NUP43: variants seen among roughly 807,000 people sequenced by gnomAD.
The protein encoded by NUP43 is nucleoporin Nup43.
NUP43 carries 32 observed loss-of-function variants against 47.3 expected under a neutral mutation model. The observed-to-expected ratio is 0.68, with a 90% CI of 0.51 to 0.91. NUP43 has a LOEUF of 0.91. Ranked by LOEUF, NUP43 falls within the 40% of genes least tolerant of loss-of-function variation. The pLI is 0.00. For missense variants in NUP43, 444 were observed against 453.9 expected (o/e 0.98, Z 0.20); for synonymous variants, 147 against 158.4 (o/e 0.93, Z 0.54).
At chr6:149,746,678 T>G, upstream of NUP43, 1 of 1,547,046 alleles carries the variant, frequency 6.5e-7, no homozygotes, top group Non-Finnish European at 8.7e-7. Context: ...GGCCCACCCA[T>G]CTCACAGAGC....
chr6:149,744,649 A>G (rs1785866473), intron 2 of NUP43, among the ~76,000 whole-genome samples: 1 of 151,996 alleles, frequency 6.6e-6, no homozygotes, highest in Non-Finnish European at 1.5e-5. Context: ...CAGCCTGGCC[A>G]ACATGGTGAA....
chr6:149,731,967 A>G (rs1367411282), intron 6 of NUP43, among the ~76,000 whole-genome samples: 1 of 152,190 alleles, frequency 6.6e-6, no homozygotes, highest in African/African-American at 2.4e-5. Context: ...AGGCGGGTGG[A>G]TCACCTGAGG....
At position 149,726,785 on chromosome 6, in the gene NUP43, G is replaced by C; in HGVS notation, c.*184C>G. The stretch of plus-strand genomic sequence containing the variant: ...AATCTTTTGCCATCAGTCATCTATC[G>C]GATTCTACAACTGTTTGGGAGTGTC... On this transcript the variant is annotated 3_prime_UTR_variant, in exon 8 of 8. Transcript: ENST00000340413. 1 of 589,954 alleles carries C rather than the reference G, an allele frequency of 1.7e-6. No individual in the cohort carries two copies. Among genetic ancestry groups the C allele is most frequent in the East Asian group, 2.8e-5 (1 of 35,358 alleles). 36.5% of individuals were successfully genotyped at this position (589,954 alleles called of 1,614,324 possible).
At position 149,742,330 on chromosome 6, in the gene NUP43, T is replaced by C; in HGVS notation, c.502+60A>G. 1 of 1,535,158 alleles carries C rather than the reference T, an allele frequency of 6.5e-7. No individual in the cohort carries two copies. The highest frequency in any genetic ancestry group is 9.0e-7 in the Non-Finnish European group (1 of 1,114,010). Reference sequence around the variant, plus strand: ...GGTGAGCCACCACACCCAGCCTAACTTTTGTATTTTTAGAAGAGACTAGGT... The same window carrying C: ...GGTGAGCCACCACACCCAGCCTAACCTTTGTATTTTTAGAAGAGACTAGGT... On this transcript the variant is annotated intron_variant, in intron 4 of 7. Coordinates refer to ENST00000340413, the MANE Select transcript of NUP43 (RefSeq NM_198887.3).
At position 149,736,627 on chromosome 6, in the gene NUP43, T is replaced by C; in HGVS notation, c.639-5A>G. ...AGTGGCACTCGGTCACCAGTCCTTT[T>C]GTGGGAGATAACAATGACGTCAAAA... On this transcript the variant is annotated splice_region_variant and splice_polypyrimidine_tract_variant and intron_variant, in intron 5 of 7. Coordinates refer to ENST00000340413, the MANE Select transcript of NUP43 (RefSeq NM_198887.3). The C allele has an allele frequency of 1.3e-6, 2 of 1,573,708 alleles. No individual in the cohort carries two copies. The highest frequency in any genetic ancestry group is 4.6e-5 in the East Asian group (2 of 43,940).
intron 4 of NUP43, among the ~76,000 whole-genome samples, chr6:149,741,665 C>G (rs758264056): frequency 5.3e-5 from 8 of 151,732 alleles, no homozygotes; most frequent in Non-Finnish European, 8.8e-5. Flanking sequence ...ACCACCTCAC[C>G]CAGCTTATTT....
chr6:149,727,540 AC>A (rs1784845285), intron 7 of NUP43: 1 of 981,840 alleles, frequency 1.0e-6, no homozygotes, highest in Non-Finnish European at 1.2e-6. Context: ...AAAAAAAGAA[AC>A]CAAAAATGTA....
chr6:149,735,087 G>A (rs1433929291), intron 6 of NUP43, among the ~76,000 whole-genome samples: 2 of 151,940 alleles, frequency 1.3e-5, no homozygotes, highest in African/African-American at 4.8e-5. Context: ...TCAGGGAGTG[G>A]GGTCTCACTA....
At chr6:149,735,620 A>AAAC (rs1554246037) in intron 6 of NUP43, among the ~76,000 whole-genome samples, 1 of 149,144 alleles carries the variant, frequency 6.7e-6, no homozygotes, top group African/African-American at 2.5e-5. Context: ...AAAAAAAAAA[A>AAAC]CACACACAGA....
At chr6:149,734,177 T>A (rs1298328027) in intron 6 of NUP43, among the ~76,000 whole-genome samples, 3 of 151,544 alleles carry the variant, frequency 2.0e-5, no homozygotes, top group African/African-American at 7.3e-5. Context: ...AATCTAATAA[T>A]AAAAAAAATT....
Position 149,726,467 on chromosome 6 carries a change from T to G in NUP43, c.*502A>C, listed in dbSNP as rs998074276. 1 of 155,268 alleles carries G rather than the reference T, an allele frequency of 6.4e-6. No homozygotes were observed. The allele number at this position is 155,268 out of a possible 1,614,324, so 9.6% of individuals were successfully genotyped here. ...CATTTTTGCTCTACTCAATTCTTTC[T>G]GAAAAAGTTTATTATTATTAAGGAA... On this transcript the variant is annotated 3_prime_UTR_variant, in exon 8 of 8. Transcript: ENST00000340413.
At chr6:149,735,273 C>T (rs1785264303) in intron 6 of NUP43, among the ~76,000 whole-genome samples, 1 of 152,046 alleles carries the variant, frequency 6.6e-6, no homozygotes, top group South Asian at 2.1e-4. Flanking sequence ...TGGCCTCAAA[C>T]TCTCAGGCTC....
chr6:149,743,637 C>A lies in NUP43; in HGVS notation c.321+1G>T. On this transcript the variant is annotated splice_donor_variant, in intron 3 of 7. Transcript: ENST00000340413. LOFTEE classifies it high-confidence loss of function. ...TCACTTCTCAAACTAAAGTTCTTTA[C>A]CTGGTTATTTGGATGGTGAAGGAAA... The A allele has an allele frequency of 6.3e-7, 1 of 1,578,668 alleles. No individual in the cohort carries two copies. The highest frequency in any genetic ancestry group is 8.7e-7 in the Non-Finnish European group (1 of 1,152,600).
upstream of NUP43, among the ~76,000 whole-genome samples, chr6:149,747,317 GCC>G (rs1205943141): frequency 1.3e-5 from 2 of 151,822 alleles, no homozygotes; most frequent in African/African-American, 2.4e-5. Flanking sequence ...GGTCTCTGTG[GCC>G]CAAGCTGGAG....
rs1784746388 is a variant in NUP43, at chr6:149,725,151, T to A, written c.*1818A>T. ...TCAATTGGCATGAAATGTAATGCTG[T>A]TAAAATATACTTTCTCTTATGGTTA... On this transcript the variant is annotated 3_prime_UTR_variant, in exon 8 of 8. Coordinates refer to ENST00000340413, the MANE Select transcript of NUP43 (RefSeq NM_198887.3). The A allele has an allele frequency of 6.6e-6, 1 of 152,196 alleles. No individual in the cohort carries two copies. Among genetic ancestry groups the A allele is most frequent in the African/African-American group, 2.4e-5 (1 of 41,470 alleles). The allele number at this position is 152,196 out of a possible 1,614,324, so 9.4% of individuals were successfully genotyped here.
chr6:149,739,907 G>A (rs1420721778), intron 4 of NUP43, among the ~76,000 whole-genome samples: 1 of 152,080 alleles, frequency 6.6e-6, no homozygotes, highest in Non-Finnish European at 1.5e-5. Flanking sequence ...TAGAACTTAT[G>A]CCTCATAATT....
At chr6:149,730,369 A>G (rs1784974703) in intron 7 of NUP43, among the ~76,000 whole-genome samples, 1 of 152,136 alleles carries the variant, frequency 6.6e-6, no homozygotes, top group Non-Finnish European at 1.5e-5. Flanking sequence ...TTTTCTTGCC[A>G]TTCACACAAA....
chr6:149,732,469 C>T (rs1005165678), intron 6 of NUP43, among the ~76,000 whole-genome samples: 21 of 151,764 alleles, frequency 1.4e-4, no homozygotes, highest in Admixed American at 3.9e-4. Flanking sequence ...ATCGCTTGAA[C>T]CCGGGAGGCA....
intron 4 of NUP43, among the ~76,000 whole-genome samples, chr6:149,740,825 CTT>C (rs1785615032): frequency 6.6e-6 from 1 of 152,168 alleles, no homozygotes; most frequent in Non-Finnish European, 1.5e-5. Flanking sequence ...ATTACAGACT[CTT>C]TGCAATCTGG....
Sources: gnomAD v4.1 joint callset for allele counts (sites outside exome capture counted in the v4.1 genomes callset) on GRCh38, gnomAD v4.1.1 for gene constraint, MANE v1.5 for transcripts, NCBI Gene and HGNC (gene_info 2026-07-23, HGNC 2026-07-21) for gene names.